Variants in DNM2 observed in about 807,000 individuals in gnomAD.
DNM2 encodes the protein dynamin-2.
In DNM2, 15 loss-of-function variants were observed where a neutral mutation model predicts 99.0. That is an observed-to-expected ratio of 0.15 (90% confidence interval 0.10 to 0.23). The LOEUF (loss-of-function observed/expected upper bound fraction) is 0.23. DNM2 is among the 10% of genes least tolerant of loss of function. The pLI is 1.00. For synonymous variants in DNM2, 525 were observed against 481.2 expected, an observed-to-expected ratio of 1.09 and a Z score of -1.19; for missense variants, 742 against 1,189.4, an observed-to-expected ratio of 0.62 and a Z score of 5.53.
At chr19:10,806,839 C>T (rs559789575) in intron 13 of DNM2, among the ~76,000 whole-genome samples, 2 of 152,024 alleles carry the variant, frequency 1.3e-5, no homozygotes, top group South Asian at 4.2e-4. Flanking sequence ...TTCCCTTGAG[C>T]GGGGGTCTGT....
chr19:10,749,978 G>A (rs75882456), intron 1 of DNM2, among the ~76,000 whole-genome samples: 15,437 of 152,196 alleles, frequency 0.1, 1,204 homozygotes, highest in East Asian at 0.37. Flanking sequence ...GAGGAGGCAG[G>A]TGCAGGGGGT....
chr19:10,771,979 C>G (rs373693437), intron 2 of DNM2, among the ~76,000 whole-genome samples: 1 of 152,098 alleles, frequency 6.6e-6, no homozygotes, highest in Non-Finnish European at 1.5e-5. Flanking sequence ...CCCGCCTCCC[C>G]CAAGACCCTT....
At chr19:10,770,550 C>G (rs889032412) in intron 2 of DNM2, among the ~76,000 whole-genome samples, 1 of 152,178 alleles carries the variant, frequency 6.6e-6, no homozygotes, top group African/African-American at 2.4e-5. Flanking sequence ...AATCCATTTT[C>G]ATGCTGCTGA....
chr19:10,743,763 T>G (rs1263983923), intron 1 of DNM2, among the ~76,000 whole-genome samples: 1 of 133,412 alleles, frequency 7.5e-6, no homozygotes, highest in African/African-American at 3.0e-5. Context: ...TGAGCCGAGA[T>G]TGCGCCACTG....
chr19:10,740,857 T>C (rs990915741), intron 1 of DNM2, among the ~76,000 whole-genome samples: 8 of 152,234 alleles, frequency 5.3e-5, no homozygotes, highest in African/African-American at 1.7e-4. Flanking sequence ...TATGTTCATT[T>C]CTATATATTT....
chr19:10,805,742 C>G (rs1225559785), intron 12 of DNM2, among the ~76,000 whole-genome samples, 174 bp from the exon 13 acceptor site: 1 of 152,162 alleles, frequency 6.6e-6, no homozygotes, highest in East Asian at 1.9e-4. Flanking sequence ...TTTACTTGTT[C>G]CGTGTGCCCA....
chr19:10,780,197 G>C (rs1256701541), intron 5 of DNM2: 1 of 153,094 alleles, frequency 6.5e-6, no homozygotes, highest in African/African-American at 2.4e-5. Context: ...AATGCTGTCA[G>C]GGCTAAATTC....
chr19:10,768,783 C>G (rs1227889154), intron 2 of DNM2: 1 of 152,260 alleles, frequency 6.6e-6, no homozygotes, highest in Non-Finnish European at 1.5e-5. Context: ...TCTCACCTAA[C>G]ATGCGTGAGT....
chr19:10,794,744 C>CA (rs150016741), intron 8 of DNM2, among the ~76,000 whole-genome samples: 9,534 of 144,786 alleles, frequency 0.066, 542 homozygotes, highest in African/African-American at 0.15. Flanking sequence ...GACCCTATCT[C>CA]AAAAAAAAAC....
intron 5 of DNM2, among the ~76,000 whole-genome samples, chr19:10,782,014 C>A (rs1477025862): frequency 6.6e-6 from 1 of 152,004 alleles, no homozygotes; most frequent in Non-Finnish European, 1.5e-5. Context: ...TTCCCTATTG[C>A]TCTTGTTTTT....
rs145163173 is a variant in DNM2 at position 10,774,285 on chromosome 19, C to A, written c.386-1418C>A. 3.2e-3 allele frequency among the ~76,000 whole-genome samples: 488 copies of A among 152,248 alleles called. 1 individual carries two copies. Among genetic ancestry groups the A allele is most frequent in the African/African-American group, 0.011 (473 of 41,530 alleles). On this transcript the variant is annotated intron_variant, in intron 3 of 20. Coordinates refer to ENST00000389253, the MANE Select transcript of DNM2 (RefSeq NM_001005361.3). ...ACATCTGTGAATAGCTACTGCACTT[C>A]ACCTGGGTAACATAGCAAGACCCTC...
Position 10,817,536 on chromosome 19 carries a change from G to A in DNM2, c.1672-2444G>A, listed in dbSNP as rs1425053215. The A allele has an allele frequency of 2.3e-6, 1 of 432,012 alleles. No individual in the cohort carries two copies. The highest frequency in any genetic ancestry group is 1.7e-5 in the South Asian group (1 of 60,060). The allele number at this position is 432,012 out of a possible 1,614,324, so 26.8% of individuals were successfully genotyped here. On this transcript the variant is annotated intron_variant, in intron 15 of 20. Transcript: ENST00000389253. The surrounding 1 kb of genome is among the most constrained non-coding windows in gnomAD (Gnocchi z 4.6). ...ATCCTGCAGAACCCCCCAGGCAGAC[G>A]CTGGGGCCACCAGGCCAGGCCGTGC...
intron 18 of DNM2, among the ~76,000 whole-genome samples, chr19:10,826,034 CCAA>C (rs1245861837): frequency 4.6e-5 from 7 of 152,138 alleles, no homozygotes; most frequent in African/African-American, 1.7e-4. Context: ...GACCTTGTGT[CCAA>C]CAACAGCAAC....
chr19:10,825,360 C>T, intron 18 of DNM2, 139 bp downstream of exon 18: 1 of 1,218,760 alleles, frequency 8.2e-7, no homozygotes, highest in South Asian at 1.2e-5. Flanking sequence ...AACGGTGAAA[C>T]CCCATCTCTA....
At chr19:10,740,663 C>T (rs2069712344) in intron 1 of DNM2, among the ~76,000 whole-genome samples, 1 of 152,202 alleles carries the variant, frequency 6.6e-6, no homozygotes, top group African/African-American at 2.4e-5. Flanking sequence ...AGGCGTAAGC[C>T]ACCGCGCCCG....
At chr19:10,780,236 G>C (rs1054983083) in intron 5 of DNM2, 4 of 153,470 alleles carry the variant, frequency 2.6e-5, no homozygotes, top group African/African-American at 9.7e-5. Context: ...GAAGATCCGG[G>C]GCTGAGAAGC....
At chr19:10,819,754 C>T (rs563110680) in intron 15 of DNM2, among the ~76,000 whole-genome samples, 5 of 152,174 alleles carry the variant, frequency 3.3e-5, no homozygotes, top group Middle Eastern at 3.4e-3. Context: ...GTCCGAAGGC[C>T]CTGGGGTAGG....
intron 1 of DNM2, among the ~76,000 whole-genome samples, chr19:10,731,504 C>T (rs913570446): frequency 6.6e-6 from 1 of 152,076 alleles, no homozygotes; most frequent in Non-Finnish European, 1.5e-5. Context: ...AGGTGTGCAC[C>T]ACCACGCCTG....
At chr19:10,801,392 G>A (rs1421942518) in intron 11 of DNM2, among the ~76,000 whole-genome samples, 1 of 152,102 alleles carries the variant, frequency 6.6e-6, no homozygotes, top group African/African-American at 2.4e-5. Context: ...GGCCAAGGTA[G>A]GAGGATCACT....
Sources: gnomAD v4.1 joint callset for allele counts (sites outside exome capture counted in the v4.1 genomes callset) on GRCh38, gnomAD v4.1.1 for gene constraint, Gnocchi (gnomAD v3.1) non-coding constraint, MANE v1.5 for transcripts, NCBI Gene and HGNC (gene_info 2026-07-23, HGNC 2026-07-21) for gene names.